GALNTL6: variants seen among roughly 807,000 people sequenced by gnomAD.
GALNTL6 encodes polypeptide N-acetylgalactosaminyltransferase like 6.
A neutral mutation model predicts 73.7 loss-of-function variants in GALNTL6; 46 were observed. The observed-to-expected ratio is 0.62, with a 90% CI of 0.49 to 0.80. The LOEUF (loss-of-function observed/expected upper bound fraction) is 0.80, where lower values mean the gene tolerates loss of function less well. Ranked by LOEUF, GALNTL6 falls within the 30% of genes least tolerant of loss-of-function variation. The pLI is 0.00. For missense variants in GALNTL6, 604 were observed against 755.0 expected (o/e 0.80, Z 2.34); for synonymous variants, 259 against 263.7 (o/e 0.98, Z 0.17).
intron 2 of GALNTL6, among the ~76,000 whole-genome samples, chr4:171,977,089 C>T (rs1739743596): frequency 6.6e-6 from 1 of 152,140 alleles, no homozygotes; most frequent in South Asian, 2.1e-4. Flanking sequence ...CCAGCTATGA[C>T]TCTGGGCATT....
chr4:172,888,695 C>T (rs2111206732), intron 8 of GALNTL6, among the ~76,000 whole-genome samples: 1 of 152,238 alleles, frequency 6.6e-6, no homozygotes, highest in South Asian at 2.1e-4. Flanking sequence ...TAATGTGGTA[C>T]CTCCGGCTCT....
rs542426757 is a variant in GALNTL6 at position 172,011,284 on chromosome 4, C to A, written c.138+196566C>A. Reference sequence around the variant, plus strand: ...GAATTGGTCTGGAGACTGAAATTTGCGGAGGAAGAAAGTTGTTTGGGATCA... The same window carrying A: ...GAATTGGTCTGGAGACTGAAATTTGAGGAGGAAGAAAGTTGTTTGGGATCA... On this transcript the variant is annotated intron_variant, in intron 2 of 12. Coordinates refer to ENST00000506823, the MANE Select transcript of GALNTL6 (RefSeq NM_001034845.3). Among the ~76,000 whole-genome samples, 3 of 151,898 alleles carry A rather than the reference C, an allele frequency of 2.0e-5. 1 individual carries two copies. In the South Asian group the frequency reaches 6.2e-4, roughly 32 times the overall value.
At position 172,176,235 on chromosome 4, in the gene GALNTL6, A is replaced by G. The variant is rs543784322; in HGVS notation, c.139-53421A>G. Among the ~76,000 whole-genome samples, 20 of 149,466 alleles carry G rather than the reference A, an allele frequency of 1.3e-4. No individual in the cohort carries two copies. In the South Asian group the frequency reaches 4.1e-3, roughly 31 times the overall value. On this transcript the variant is annotated intron_variant, in intron 2 of 12. Coordinates refer to ENST00000506823, the MANE Select transcript of GALNTL6 (RefSeq NM_001034845.3). ...GGCACCTGTAGTCCCAGCTACTCAA[A>G]AGGCTGAGGCAGGAGAATGGCGTGA...
At chr4:172,706,515 G>A (rs1183175742) in intron 5 of GALNTL6, among the ~76,000 whole-genome samples, 1 of 151,862 alleles carries the variant, frequency 6.6e-6, no homozygotes, top group Non-Finnish European at 1.5e-5. Context: ...GTTTTCTGTG[G>A]ACTTATGTCT....
In GALNTL6 at chr4:171,927,832, T is replaced by G. The variant is rs186990633; in HGVS notation, c.138+113114T>G. Among the ~76,000 whole-genome samples the G allele has an allele frequency of 1.5e-3, 225 of 152,342 alleles. 1 individual carries two copies. The highest frequency in any genetic ancestry group is 6.9e-3 in the Admixed American group (105 of 15,292). On this transcript the variant is annotated intron_variant, in intron 2 of 12. Coordinates refer to ENST00000506823, the MANE Select transcript of GALNTL6 (RefSeq NM_001034845.3). ...GATCTTTGCATGGTTGTCTCTCTCA[T>G]GTCATTCAGATCTCAGCTCAAATGC...
chr4:172,796,176 C>A (rs1489441772), intron 5 of GALNTL6, among the ~76,000 whole-genome samples: 2 of 151,792 alleles, frequency 1.3e-5, no homozygotes, highest in Admixed American at 1.3e-4. Context: ...ACATAATTCC[C>A]TGTATTAAGT....
chr4:172,042,021 G>A (rs1196002713), intron 2 of GALNTL6, among the ~76,000 whole-genome samples: 1 of 152,042 alleles, frequency 6.6e-6, no homozygotes, highest in Non-Finnish European at 1.5e-5. Context: ...AAAGCCACTT[G>A]AAAAGGTCAT....
At chr4:172,498,461 ATAT>A (rs1306493837) in intron 5 of GALNTL6, among the ~76,000 whole-genome samples, 31 of 152,168 alleles carry the variant, frequency 2.0e-4, no homozygotes, top group Admixed American at 1.0e-3. Flanking sequence ...TTATACTCTA[ATAT>A]TATGCAAACA....
chr4:172,304,930 A>G (rs1000909315), intron 3 of GALNTL6, among the ~76,000 whole-genome samples: 2 of 152,306 alleles, frequency 1.3e-5, no homozygotes, highest in South Asian at 2.1e-4. Flanking sequence ...AGGTTATACA[A>G]AGTTCATTAG....
At chr4:171,859,642 G>A (rs1478760228) in intron 2 of GALNTL6, among the ~76,000 whole-genome samples, 2 of 152,210 alleles carry the variant, frequency 1.3e-5, no homozygotes, top group Non-Finnish European at 2.9e-5. Flanking sequence ...TCTAGGCAGA[G>A]ATAGTAGAGT....
intron 5 of GALNTL6, among the ~76,000 whole-genome samples, chr4:172,476,925 T>C (rs1733256771): frequency 3.5e-5 from 4 of 113,480 alleles, no homozygotes; most frequent in Non-Finnish European, 8.0e-5. Flanking sequence ...TAAGAGACTT[T>C]TTTTTTTTTT....
intron 2 of GALNTL6, among the ~76,000 whole-genome samples, chr4:172,165,863 T>C (rs1256918278): frequency 6.6e-6 from 1 of 152,104 alleles, no homozygotes; most frequent in African/African-American, 2.4e-5. Context: ...ATAGGAGTGA[T>C]CAGTGTGTTA....
At chr4:171,910,916 G>A (rs1297283478) in intron 2 of GALNTL6, among the ~76,000 whole-genome samples, 1 of 151,976 alleles carries the variant, frequency 6.6e-6, no homozygotes, top group Non-Finnish European at 1.5e-5. Context: ...CAATGCTATA[G>A]CCACTTTTAG....
chr4:172,073,349 G>A (rs959924145), intron 2 of GALNTL6, among the ~76,000 whole-genome samples: 2 of 152,136 alleles, frequency 1.3e-5, no homozygotes, highest in Admixed American at 1.3e-4. Flanking sequence ...ATAGTTCTAA[G>A]AACAGTACCA....
intron 2 of GALNTL6, among the ~76,000 whole-genome samples, chr4:172,120,297 A>G (rs1733111905): frequency 6.6e-6 from 1 of 152,178 alleles, no homozygotes. Context: ...GCTGGGGGTC[A>G]GAAGTTTAAA....
intron 3 of GALNTL6, among the ~76,000 whole-genome samples, chr4:172,306,094 A>G (rs1442577706): frequency 6.6e-6 from 1 of 152,144 alleles, no homozygotes; most frequent in African/African-American, 2.4e-5. Context: ...GAATTTGAAA[A>G]TAAAAATATG....
intron 7 of GALNTL6, among the ~76,000 whole-genome samples, chr4:172,818,836 A>T (rs1741757712): frequency 6.6e-6 from 1 of 152,168 alleles, no homozygotes; most frequent in South Asian, 2.1e-4. Context: ...TGACCTCATG[A>T]TCTGCCCGCC....
At chr4:172,660,941 G>A (rs538204107) in intron 5 of GALNTL6, among the ~76,000 whole-genome samples, 17 of 152,272 alleles carry the variant, frequency 1.1e-4, no homozygotes, top group South Asian at 1.0e-3. Context: ...TACTGCAGAG[G>A]TTTTATACAT....
At chr4:172,166,995 G>A (rs1734648671) in intron 2 of GALNTL6, among the ~76,000 whole-genome samples, 1 of 152,118 alleles carries the variant, frequency 6.6e-6, no homozygotes, top group African/African-American at 2.4e-5. Context: ...TTCCAGACAT[G>A]GCTCTACCAA....
Sources: gnomAD v4.1 joint callset for allele counts (sites outside exome capture counted in the v4.1 genomes callset) on GRCh38, gnomAD v4.1.1 for gene constraint, MANE v1.5 for transcripts, NCBI Gene and HGNC (gene_info 2026-07-23, HGNC 2026-07-21) for gene names.